The following LRBA variants were observed in gnomAD, a reference collection of about 807,000 sequenced individuals.
The protein encoded by LRBA is lipopolysaccharide-responsive and beige-like anchor protein.
Under a neutral mutation model 330.0 loss-of-function variants are expected in LRBA, and 176 were observed. The observed-to-expected ratio is 0.53, with a 90% CI of 0.47 to 0.60. The LOEUF is 0.60. Among genes scored for constraint, LRBA ranks in the 20% least tolerant of loss-of-function variants. The probability of loss-of-function intolerance (pLI) is 0.00; values close to 1 mark genes in which losing one functional copy is unlikely to be tolerated. For synonymous variants in LRBA, 1,230 were observed against 1,193.0 expected (o/e 1.03, Z -0.64); for missense variants, 3,259 against 3,444.8 (o/e 0.95, Z 1.35).
At position 150,905,919 on chromosome 4, in the gene LRBA, C is replaced by T. The variant is rs1215090675; in HGVS notation, c.1674G>A (p.Leu558=). 2 of 1,613,348 alleles carry T rather than the reference C, an allele frequency of 1.2e-6. No individual in the cohort carries two copies. The highest frequency in any genetic ancestry group is 2.7e-5 in the African/African-American group (2 of 74,864). The change falls in exon 13 of 57, where the codon CTG becomes CTA. Residue 558 remains leucine, a synonymous_variant. Coordinates refer to ENST00000651943, the MANE Select transcript of LRBA (RefSeq NM_001364905.1). ...CLAFSKYLSN[L]QNGMPLLKQL... is the part of the protein sequence containing the mutation. ...GCTTGAGCAGGGGCATCCCATTCTG[C>T]AGATTACTCAGATATTTTGAAAATG...
chr4:150,519,078 C>T (rs141102391), intron 40 of LRBA, among the ~76,000 whole-genome samples: 29 of 152,148 alleles, frequency 1.9e-4, no homozygotes, highest in African/African-American at 6.7e-4. Context: ...TAATTCATAT[C>T]AAAATAGCAA....
At chr4:150,430,667 G>A (rs1215214893) in intron 46 of LRBA, among the ~76,000 whole-genome samples, 1 of 151,826 alleles carries the variant, frequency 6.6e-6, no homozygotes, top group African/African-American at 2.4e-5. Flanking sequence ...GATATCTCAG[G>A]GTTCCTCCAA....
chr4:150,881,487 A>G (rs1728374760), intron 17 of LRBA, among the ~76,000 whole-genome samples: 1 of 152,150 alleles, frequency 6.6e-6, no homozygotes, highest in Non-Finnish European at 1.5e-5. Context: ...AGACATAAAA[A>G]TGGCAATAAT....
At chr4:150,636,569 C>A (rs1050099002) in intron 37 of LRBA, among the ~76,000 whole-genome samples, 2 of 152,144 alleles carry the variant, frequency 1.3e-5, no homozygotes, top group Non-Finnish European at 2.9e-5. Context: ...AAGATCAAGG[C>A]TTTAGGTGCA....
chr4:150,742,413 G>A (rs768510866), intron 35 of LRBA, among the ~76,000 whole-genome samples: 1 of 151,996 alleles, frequency 6.6e-6, no homozygotes, highest in Non-Finnish European at 1.5e-5. Context: ...TTCCCAAAGT[G>A]CTGAAATTAT....
chr4:150,922,947 A>G (rs989114551), intron 4 of LRBA, among the ~76,000 whole-genome samples: 2 of 152,330 alleles, frequency 1.3e-5, no homozygotes, highest in African/African-American at 4.8e-5. Context: ...TGTCAAGGTC[A>G]GGATGAGAAC....
At chr4:150,565,974 T>A (rs1404561170) in intron 40 of LRBA, among the ~76,000 whole-genome samples, 1 of 151,286 alleles carries the variant, frequency 6.6e-6, no homozygotes, top group East Asian at 1.9e-4. Flanking sequence ...ACACCTGTAA[T>A]CCCAGCATCT....
At chr4:150,714,849 C>G (rs1786583710) in intron 36 of LRBA, among the ~76,000 whole-genome samples, 1 of 152,034 alleles carries the variant, frequency 6.6e-6, no homozygotes, top group Non-Finnish European at 1.5e-5. Flanking sequence ...AGAAACAAGG[C>G]CATCCACATT....
chr4:150,273,764 C>T lies in LRBA; in HGVS notation c.8468+4089G>A, dbSNP rs187432806. 8.0e-4 allele frequency among the ~76,000 whole-genome samples: 122 copies of T among 152,228 alleles called. 1 individual carries two copies. The highest frequency in any genetic ancestry group is 2.7e-3 in the African/African-American group (114 of 41,556). On this transcript the variant is annotated intron_variant, in intron 56 of 56. Transcript: ENST00000651943. ...GGATCAATGCAACAACAAGACCTAT[C>T]CTAAATATATATGCACCCAATACAG...
intron 44 of LRBA, among the ~76,000 whole-genome samples, chr4:150,446,514 G>A (rs1233760137): frequency 6.6e-6 from 1 of 152,206 alleles, no homozygotes; most frequent in Non-Finnish European, 1.5e-5. Context: ...TGTGAGGACT[G>A]ACAGGCAGTT....
chr4:150,858,603 C>A (rs1751505886), intron 22 of LRBA, among the ~76,000 whole-genome samples: 1 of 152,216 alleles, frequency 6.6e-6, no homozygotes, highest in Admixed American at 6.5e-5. Flanking sequence ...AATCTCAGCT[C>A]ACTGCAGCTT....
chr4:150,591,034 T>TC (rs1419185694), intron 38 of LRBA, among the ~76,000 whole-genome samples, 175 bp from the exon 39 acceptor site: 4 of 152,052 alleles, frequency 2.6e-5, no homozygotes, highest in Non-Finnish European at 5.9e-5. Context: ...ACAAACTCGA[T>TC]CCCCCAACCT....
rs1298371015 is a variant in LRBA, at chr4:150,690,150, TTAA to T, written c.5755-6436_5755-6434del. Reference sequence around the variant, plus strand: ...TTGATTTTATATATTCAACACAATCTTAATAAAAATTTTTAGCAATTTTTATAA... The same window carrying T: ...TTGATTTTATATATTCAACACAATCTTAAAAATTTTTAGCAATTTTTATAA... On this transcript the variant is annotated intron_variant, in intron 36 of 56. Transcript: ENST00000651943. 6.6e-5 allele frequency among the ~76,000 whole-genome samples: 10 copies of T among 152,212 alleles called. No individual in the cohort carries two copies. The East Asian group carries it at 1.7e-3, about 26-fold the overall frequency.
intron 9 of LRBA, among the ~76,000 whole-genome samples, chr4:150,913,361 G>C (rs900862026): frequency 1.3e-5 from 2 of 152,186 alleles, no homozygotes; most frequent in Admixed American, 6.6e-5. Context: ...CAGGTACTTG[G>C]GAGGCTGAGG....
intron 48 of LRBA, among the ~76,000 whole-genome samples, chr4:150,338,016 G>C (rs913078441): frequency 6.6e-6 from 1 of 152,080 alleles, no homozygotes; most frequent in Non-Finnish European, 1.5e-5. Context: ...TATCTGATTT[G>C]CTACTGCTGT....
chr4:150,369,825 A>G (rs1204531684), intron 47 of LRBA, among the ~76,000 whole-genome samples: 1 of 152,130 alleles, frequency 6.6e-6, no homozygotes, highest in Admixed American at 6.5e-5. Flanking sequence ...ACTGTCCTCC[A>G]TGCCTTTATA....
chr4:150,439,921 G>C (rs1459074971), intron 44 of LRBA, among the ~76,000 whole-genome samples: 1 of 152,154 alleles, frequency 6.6e-6, no homozygotes, highest in Non-Finnish European at 1.5e-5. Flanking sequence ...CTAAGCAAGA[G>C]TCAGTCATAT....
chr4:150,890,805 CACTAAG>C (rs1010244326), intron 17 of LRBA, among the ~76,000 whole-genome samples: 13 of 152,162 alleles, frequency 8.5e-5, no homozygotes, highest in Admixed American at 3.9e-4. Context: ...AAAATTCACA[CACTAAG>C]ACTAAAAGTA....
chr4:150,968,050 G>C (rs1473970442), intron 2 of LRBA, among the ~76,000 whole-genome samples: 1 of 149,052 alleles, frequency 6.7e-6, no homozygotes, highest in Non-Finnish European at 1.5e-5. Flanking sequence ...TGTCGCCCAG[G>C]CTGGAGAGCA....
Sources: gnomAD v4.1 joint callset for allele counts (sites outside exome capture counted in the v4.1 genomes callset) on GRCh38, gnomAD v4.1.1 for gene constraint, MANE v1.5 for transcripts, NCBI Gene and HGNC (gene_info 2026-07-23, HGNC 2026-07-21) for gene names.